Variants in NGF observed in about 807,000 individuals in gnomAD.
The protein encoded by NGF is beta-nerve growth factor.
In NGF, 4 loss-of-function variants were observed where a neutral mutation model predicts 12.8. The observed-to-expected ratio is 0.31, with a 90% CI of 0.15 to 0.72. NGF has a LOEUF of 0.72. Among genes scored for constraint, NGF ranks in the 30% least tolerant of loss-of-function variants. The pLI is 0.69. For missense variants in NGF, 283 were observed against 330.8 expected (o/e 0.86, Z 1.12); for synonymous variants, 140 against 130.0 (o/e 1.08, Z -0.52).
At chr1:115,314,651 A>C (rs556500501) in intron 1 of NGF, among the ~76,000 whole-genome samples, 8 of 152,320 alleles carry the variant, frequency 5.3e-5, no homozygotes, top group Non-Finnish European at 1.2e-4. Context: ...AAGCACACAA[A>C]CAGCTAAGCT....
chr1:115,321,106 A>G (rs1654612061), intron 1 of NGF, among the ~76,000 whole-genome samples: 2 of 152,200 alleles, frequency 1.3e-5, no homozygotes, highest in African/African-American at 4.8e-5. Flanking sequence ...AAGATGCAGT[A>G]TGGACCAGCA....
intron 1 of NGF, among the ~76,000 whole-genome samples, chr1:115,310,548 C>T (rs1268606828): frequency 6.6e-6 from 1 of 152,066 alleles, no homozygotes; most frequent in Non-Finnish European, 1.5e-5. Flanking sequence ...ATGGTCAACC[C>T]GTGAGCAGGC....
At chr1:115,313,953 C>T (rs1462698135) in intron 1 of NGF, among the ~76,000 whole-genome samples, 1 of 152,158 alleles carries the variant, frequency 6.6e-6, no homozygotes, top group African/African-American at 2.4e-5. Context: ...CACCTGAACT[C>T]CTTCCAAAAG....
chr1:115,316,915 T>C (rs1052859774), intron 1 of NGF, among the ~76,000 whole-genome samples: 5 of 152,224 alleles, frequency 3.3e-5, no homozygotes, highest in African/African-American at 7.2e-5. Context: ...AGATATGCCA[T>C]GCTGCTTTTT....
intron 1 of NGF, among the ~76,000 whole-genome samples, chr1:115,337,880 C>T (rs1279380415): frequency 6.6e-6 from 1 of 152,188 alleles, no homozygotes; most frequent in African/African-American, 2.4e-5. Context: ...CACTTCTAGC[C>T]CTCGAGCTAG....
intron 1 of NGF, among the ~76,000 whole-genome samples, chr1:115,327,369 C>G (rs1416422834): frequency 6.6e-6 from 1 of 152,212 alleles, no homozygotes; most frequent in Non-Finnish European, 1.5e-5. Context: ...AAAAACAGCA[C>G]TTGAAAACCC....
intron 1 of NGF, among the ~76,000 whole-genome samples, chr1:115,313,832 C>A (rs1307600379): frequency 6.6e-6 from 1 of 152,138 alleles, no homozygotes; most frequent in South Asian, 2.1e-4. Context: ...AGAGCTAAAT[C>A]CATTTTTGCA....
chr1:115,286,957 GCAA>G (rs1157077530), intron 2 of NGF, 150 bp from the exon 3 acceptor site: 1 of 992,932 alleles, frequency 1.0e-6, no homozygotes, highest in East Asian at 2.4e-5. Flanking sequence ...GGGTGTGCTA[GCAA>G]TGGTTATACC....
rs530865086 is a variant in NGF, at chr1:115,315,911, C to G, written c.-136-22161G>C. Among the ~76,000 whole-genome samples the G allele has an allele frequency of 5.3e-5, 8 of 152,262 alleles. No individual in the cohort carries two copies. The East Asian group carries it at 1.5e-3, about 29-fold the overall frequency. On this transcript the variant is annotated intron_variant, in intron 1 of 2. Transcript: ENST00000369512. ...GACTTTCCTTGTCAGTCTCTTGAAG[C>G]CTCCCGAAGGTATTCTGTCTTATTT... is the stretch of plus-strand genomic sequence containing the variant.
At chr1:115,323,583 C>G (rs577957539) in intron 1 of NGF, among the ~76,000 whole-genome samples, 1 of 152,158 alleles carries the variant, frequency 6.6e-6, no homozygotes, top group Non-Finnish European at 1.5e-5. Flanking sequence ...ATCCATATTT[C>G]TATGGACTGA....
rs1043758056 is a variant in NGF at position 115,286,434 on chromosome 1, C to T, written c.362G>A (p.Arg121Gln). ...APFNRTHRSK[R>Q]SSSHPIFHRG... Reference sequence around the variant, plus strand: ...GTGGAAGATGGGATGGGATGATGACCGCTTGCTCCTGTGAGTCCTGTTGAA... The same window carrying T: ...GTGGAAGATGGGATGGGATGATGACTGCTTGCTCCTGTGAGTCCTGTTGAA... The change falls in exon 3 of 3, where the codon CGG becomes CAG. Residue 121 changes from arginine (R) to glutamine (Q), a missense_variant. By Grantham distance (43) the Arg-to-Gln change is conservative. Transcript: ENST00000369512. 4.3e-6 allele frequency: 7 copies of T among 1,613,544 alleles called. No homozygotes were observed. Among genetic ancestry groups the T allele is most frequent in the Admixed American group, 1.7e-5 (1 of 59,976 alleles).
intron 1 of NGF, among the ~76,000 whole-genome samples, chr1:115,298,284 C>T: frequency 6.6e-6 from 1 of 152,066 alleles, no homozygotes; most frequent in East Asian, 1.9e-4. Flanking sequence ...CACATCAAAT[C>T]ATCTCAAAAT....
rs1349605823 is a variant in NGF, at chr1:115,286,537, C to G, written c.259G>C (p.Val87Leu). 1 of 1,614,220 alleles carries G rather than the reference C, an allele frequency of 6.2e-7. No homozygotes were observed. Among genetic ancestry groups the G allele is most frequent in the Non-Finnish European group, 8.5e-7 (1 of 1,180,042 alleles). Reference protein sequence around the residue: ...FKKRRLRSPRVLFSTQPPREA... With the variant: ...FKKRRLRSPRLLFSTQPPREA... ...CGGGGAGGCTGGGTGCTAAACAGCA[C>G]ACGGGGTGAACGGAGTCGCCGCTTT... is the stretch of plus-strand genomic sequence containing the variant. Residue 87 changes from valine to leucine, a missense_variant, in exon 3 of 3, where the codon GTG becomes CTG. Physicochemically the swap from Val to Leu is conservative, Grantham distance 32. Coordinates refer to ENST00000369512, the MANE Select transcript of NGF (RefSeq NM_002506.3).
chr1:115,307,256 T>C (rs1654226623), intron 1 of NGF, among the ~76,000 whole-genome samples: 1 of 151,814 alleles, frequency 6.6e-6, no homozygotes, highest in Admixed American at 6.6e-5. Context: ...TGGGATACAA[T>C]TGAGAGAGGA....
chr1:115,330,517 C>T (rs1654889122), intron 1 of NGF, among the ~76,000 whole-genome samples: 1 of 152,172 alleles, frequency 6.6e-6, no homozygotes. Context: ...CTGTCTTTCT[C>T]AATTTGGGGT....
intron 2 of NGF, among the ~76,000 whole-genome samples, chr1:115,290,913 G>A (rs930686396): frequency 6.6e-6 from 1 of 152,172 alleles, no homozygotes; most frequent in Non-Finnish European, 1.5e-5. Flanking sequence ...CCATCTGCAT[G>A]ATGATGTTAA....
chr1:115,322,417 C>T (rs969011631), intron 1 of NGF, among the ~76,000 whole-genome samples: 2 of 152,138 alleles, frequency 1.3e-5, no homozygotes, highest in African/African-American at 4.8e-5. Flanking sequence ...GACAAAGCCA[C>T]CTGGAGGCTA....
chr1:115,299,620 T>G (rs1487865879), intron 1 of NGF, among the ~76,000 whole-genome samples: 1 of 152,194 alleles, frequency 6.6e-6, no homozygotes, highest in Non-Finnish European at 1.5e-5. Context: ...GGGCAGAATA[T>G]TTTTGCAAGA....
At chr1:115,333,531 G>A (rs972194663) in intron 1 of NGF, among the ~76,000 whole-genome samples, 11 of 127,546 alleles carry the variant, frequency 8.6e-5, no homozygotes, top group Admixed American at 5.6e-4. Flanking sequence ...AAGACTTCCC[G>A]CACGTGAATG....
Sources: allele counts gnomAD v4.1 joint callset (sites outside exome capture counted in the v4.1 genomes callset), GRCh38; gene constraint gnomAD v4.1.1; transcripts MANE v1.5; gene names NCBI Gene and HGNC (gene_info 2026-07-23, HGNC 2026-07-21).